The following NMT2 variants were observed in gnomAD, a reference collection of about 807,000 sequenced individuals.
The protein encoded by NMT2 is N-myristoyltransferase 2.
NMT2 carries 35 observed loss-of-function variants against 65.4 expected under a neutral mutation model. That is an observed-to-expected ratio of 0.54 (90% confidence interval 0.41 to 0.71). The LOEUF (loss-of-function observed/expected upper bound fraction) is 0.71, where lower values mean the gene tolerates loss of function less well. Among genes scored for constraint, NMT2 ranks in the 30% least tolerant of loss-of-function variants. NMT2 has a pLI of 0.00. For synonymous variants in NMT2, 226 were observed against 231.8 expected (o/e 0.98, Z 0.23); for missense variants, 489 against 611.3 (o/e 0.80, Z 2.11).
chr10:15,106,698 T>G lies in NMT2; in HGVS notation c.*2497A>C. ...CGTAGTGACCAAGGTCAACAAACTT[T>G]CTGTAAAAGACCAGAGAGTGAATAT... is the stretch of plus-strand genomic sequence containing the variant. On this transcript the variant is annotated 3_prime_UTR_variant, in exon 12 of 12. Transcript: ENST00000378165. 1 of 973,964 alleles carries G rather than the reference T, an allele frequency of 1.0e-6. No homozygotes were observed. Among genetic ancestry groups the G allele is most frequent in the Non-Finnish European group, 1.2e-6 (1 of 819,488 alleles). The allele number at this position is 973,964 out of a possible 1,614,324, so 60.3% of individuals were successfully genotyped here. A position where few individuals can be genotyped will look rare whatever the true frequency, so the allele number is the denominator to read the frequency against.
chr10:15,144,544 A>T (rs1846890984), intron 1 of NMT2, among the ~76,000 whole-genome samples: 1 of 152,226 alleles, frequency 6.6e-6, no homozygotes, highest in African/African-American at 2.4e-5. Flanking sequence ...ATCCTGACTA[A>T]CATGGTGAAA....
At position 15,108,347 on chromosome 10, in the gene NMT2, C is replaced by T. The variant is rs1185279637; in HGVS notation, c.*848G>A. Reference sequence around the variant, plus strand: ...GACTACAGGCACACGCCACCACGCCCGGCTAATTTTTGTATTTTTAGTAGA... The same window carrying T: ...GACTACAGGCACACGCCACCACGCCTGGCTAATTTTTGTATTTTTAGTAGA... On this transcript the variant is annotated 3_prime_UTR_variant, in exon 12 of 12. Coordinates refer to ENST00000378165, the MANE Select transcript of NMT2 (RefSeq NM_004808.3). 7 of 483,242 alleles carry T rather than the reference C, an allele frequency of 1.4e-5. No individual in the cohort carries two copies. The highest frequency in any genetic ancestry group is 8.9e-5 in the South Asian group (1 of 11,294). The allele number at this position is 483,242 out of a possible 1,614,324, so 29.9% of individuals were successfully genotyped here. A position where few individuals can be genotyped will look rare whatever the true frequency, so the allele number is the denominator to read the frequency against.
chr10:15,126,749 G>A (rs879774565), intron 8 of NMT2, among the ~76,000 whole-genome samples: 1 of 152,240 alleles, frequency 6.6e-6, no homozygotes, highest in African/African-American at 2.4e-5. Context: ...CTTCAGGAGA[G>A]ACCCTGAACA....
intron 1 of NMT2, among the ~76,000 whole-genome samples, chr10:15,145,724 A>C (rs1457656145): frequency 6.6e-6 from 1 of 152,166 alleles, no homozygotes; most frequent in Non-Finnish European, 1.5e-5. Context: ...TATGTGAATT[A>C]TATCAAATGA....
chr10:15,167,347 C>T (rs1304874070), intron 1 of NMT2, among the ~76,000 whole-genome samples: 1 of 152,194 alleles, frequency 6.6e-6, no homozygotes, highest in Non-Finnish European at 1.5e-5. Flanking sequence ...TCAAAAGTCC[C>T]TTTCTATAAT....
intron 8 of NMT2, among the ~76,000 whole-genome samples, chr10:15,121,389 C>T (rs186667308): frequency 2.6e-5 from 4 of 152,232 alleles, no homozygotes; most frequent in Admixed American, 1.3e-4. Context: ...TTTTTTGAGA[C>T]GGAGTCTCAC....
chr10:15,130,350 G>A (rs1358093721), intron 6 of NMT2, 38 bp from the exon 7 acceptor site: 9 of 1,429,240 alleles, frequency 6.3e-6, no homozygotes, highest in Admixed American at 2.3e-5. Context: ...GAGTCAAAAC[G>A]AGATTCAAAA....
intron 9 of NMT2, among the ~76,000 whole-genome samples, chr10:15,119,060 C>CTGG (rs1419620408): frequency 6.6e-6 from 1 of 152,242 alleles, no homozygotes; most frequent in Non-Finnish European, 1.5e-5. Context: ...GGTAAAGCTG[C>CTGG]TGGTGCCTTA....
At chr10:15,155,417 G>A in intron 1 of NMT2, 1 of 551,090 alleles carries the variant, frequency 1.8e-6, no homozygotes, top group Non-Finnish European at 3.3e-6. Flanking sequence ...CATCCAGGCT[G>A]AAGTGCAGTG....
At chr10:15,141,260 G>A (rs1846745094) in intron 2 of NMT2, 162 bp downstream of exon 2, 1 of 980,084 alleles carries the variant, frequency 1.0e-6, no homozygotes, top group East Asian at 2.4e-5. Flanking sequence ...GGGTGCCAAA[G>A]TCCATTTTAA....
In NMT2 at chr10:15,135,358, C is replaced by T. The variant is rs200842191; in HGVS notation, c.307G>A (p.Ala103Thr). The T allele has an allele frequency of 1.0e-4, 168 of 1,613,942 alleles. 1 individual carries two copies. In the East Asian group the frequency reaches 2.2e-3, roughly 21 times the overall value. Residue 103 changes from alanine to threonine, a missense_variant, in exon 3 of 12, where the codon GCA (alanine) becomes ACA (threonine). Coordinates refer to ENST00000378165, the MANE Select transcript of NMT2 (RefSeq NM_004808.3). ...ATGTTCCTGGCTGGGCCCTGGCATG[C>T]GGATAGCAGCTCCATTGCTCTCTGG... ...DIQRAMELLS[A>T]CQGPARNIDE...
intron 1 of NMT2, among the ~76,000 whole-genome samples, chr10:15,152,038 A>G (rs1832824356): frequency 2.0e-5 from 3 of 152,232 alleles, no homozygotes; most frequent in Admixed American, 1.3e-4. Context: ...AAACAAAAAC[A>G]AAACAAAACA....
intron 1 of NMT2, 181 bp downstream of exon 1, chr10:15,168,322 A>G: frequency 3.4e-6 from 1 of 291,902 alleles, no homozygotes; most frequent in Non-Finnish European, 6.5e-6. Context: ...CTCCCCGCGC[A>G]CTGCACTCTC....
intron 2 of NMT2, among the ~76,000 whole-genome samples, chr10:15,137,643 G>A (rs192359438): frequency 5.9e-5 from 9 of 152,206 alleles, no homozygotes; most frequent in Non-Finnish European, 1.2e-4. Context: ...AGCTTAAAAT[G>A]GCAAAGTAGA....
chr10:15,109,049 A>C lies in NMT2; in HGVS notation c.*146T>G, dbSNP rs931793725. On this transcript the variant is annotated 3_prime_UTR_variant, in exon 12 of 12. Coordinates refer to ENST00000378165, the MANE Select transcript of NMT2 (RefSeq NM_004808.3). ...CTAGCTAGAAACGTACAAATGTCAC[A>C]TGTGGACTTTTGTCATCTTTTCTGA... The C allele has an allele frequency of 6.7e-7, 1 of 1,500,438 alleles. No homozygotes were observed. Among genetic ancestry groups the C allele is most frequent in the African/African-American group, 1.4e-5 (1 of 69,922 alleles). The allele number at this position is 1,500,438 out of a possible 1,614,324, so 92.9% of individuals were successfully genotyped here. A position where few individuals can be genotyped will look rare whatever the true frequency, so the allele number is the denominator to read the frequency against.
Position 15,109,838 on chromosome 10 carries a change from T to G in NMT2, c.1340A>C (p.Lys447Thr). The change falls in exon 11 of 12, where the codon AAA (lysine) becomes ACA (threonine). Residue 447 changes from lysine (K) to threonine (T), a missense_variant and splice_region_variant. Physicochemically the swap from Lys to Thr is moderately conservative, Grantham distance 78 (BLOSUM62 -1). Coordinates refer to ENST00000378165, the MANE Select transcript of NMT2 (RefSeq NM_004808.3). ...MSDALILAKS[K>T]GFDVFNALDL... ...CAGTGCATTGAATACATCAAATCCTTTCTGCCAATTTAAAAAAGATTTAAA... is the reference window on the plus strand; with the variant it reads ...CAGTGCATTGAATACATCAAATCCTGTCTGCCAATTTAAAAAAGATTTAAA... 1 of 1,596,870 alleles carries G rather than the reference T, an allele frequency of 6.3e-7. No individual in the cohort carries two copies. The highest frequency in any genetic ancestry group is 8.5e-7 in the Non-Finnish European group (1 of 1,174,760).
chr10:15,131,057 G>T (rs1311020668), intron 6 of NMT2, among the ~76,000 whole-genome samples: 4 of 151,578 alleles, frequency 2.6e-5, no homozygotes, highest in Non-Finnish European at 5.9e-5. Context: ...CAAAGTGCTG[G>T]GATTATAGGC....
chr10:15,168,652 G>A lies in NMT2; in HGVS notation c.-40C>T, dbSNP rs753793502. On this transcript the variant is annotated 5_prime_UTR_variant, in exon 1 of 12. Coordinates refer to ENST00000378165, the MANE Select transcript of NMT2 (RefSeq NM_004808.3). ...CTGGGGAGGCGGTGCTCGGGGCCGG[G>A]CCGGAGCGGCCGCAGCTCCCTCTAG... The A allele has an allele frequency of 6.6e-5, 98 of 1,487,320 alleles. No individual in the cohort carries two copies. The Middle Eastern group carries it at 1.4e-3, about 21-fold the overall frequency. 92.1% of individuals were successfully genotyped at this position (1,487,320 alleles called of 1,614,324 possible).
At chr10:15,130,753 A>C (rs933078283) in intron 6 of NMT2, among the ~76,000 whole-genome samples, 3 of 147,838 alleles carry the variant, frequency 2.0e-5, no homozygotes, top group Non-Finnish European at 4.5e-5. Flanking sequence ...GAAAAAAAAG[A>C]ACATAAAGGC....
Sources: gnomAD v4.1 joint callset for allele counts (sites outside exome capture counted in the v4.1 genomes callset) on GRCh38, gnomAD v4.1.1 for gene constraint, MANE v1.5 for transcripts, NCBI Gene and HGNC (gene_info 2026-07-23, HGNC 2026-07-21) for gene names.